ERCC6L2: variants seen among roughly 807,000 people sequenced by gnomAD.
ERCC6L2 encodes ERCC excision repair 6 like 2.
Under a neutral mutation model 132.0 loss-of-function variants are expected in ERCC6L2, and 77 were observed. That is an observed-to-expected ratio of 0.58 (90% CI 0.49 to 0.71). The LOEUF (loss-of-function observed/expected upper bound fraction) is 0.71. Among genes scored for constraint, ERCC6L2 ranks in the 30% least tolerant of loss-of-function variants. The pLI is 0.00. For missense variants in ERCC6L2, 1,542 were observed against 1,837.6 expected, an observed-to-expected ratio of 0.84 and a Z score of 2.94; for synonymous variants, 583 against 632.4, an observed-to-expected ratio of 0.92 and a Z score of 1.17.
At chr9:95,977,668 A>G (rs2133105522) in intron 16 of ERCC6L2, among the ~76,000 whole-genome samples, 1 of 152,200 alleles carries the variant, frequency 6.6e-6, no homozygotes, top group Middle Eastern at 3.4e-3. Context: ...TCATTCCATC[A>G]CTGTAATCAA....
Position 95,923,322 on chromosome 9 carries a change from A to G in ERCC6L2, c.1476A>G (p.Lys492=), listed in dbSNP as rs925490090. Residue 492 remains lysine, a synonymous_variant, in exon 9 of 19, where the codon AAA becomes AAG. Transcript: ENST00000653738. ...VFSRFPDFVQ[K]SKDAAFETLS... ...CCAGATTCCCAGATTTTGTGCAGAA[A>G]AGCAAAGATGCAGCCTTTGAAACAC... 3 of 1,613,982 alleles carry G rather than the reference A, an allele frequency of 1.9e-6. No individual in the cohort carries two copies. Among genetic ancestry groups the G allele is most frequent in the Non-Finnish European group, 1.7e-6 (2 of 1,179,924 alleles).
At chr9:95,915,893 C>T in intron 5 of ERCC6L2, 64 bp downstream of exon 5, 2 of 1,433,356 alleles carry the variant, frequency 1.4e-6, no homozygotes, top group Non-Finnish European at 1.9e-6. Context: ...GTCTTGTTTG[C>T]TAATCATTAG....
chr9:95,932,053 T>C (rs988607697), intron 11 of ERCC6L2, among the ~76,000 whole-genome samples: 2 of 152,012 alleles, frequency 1.3e-5, no homozygotes, highest in African/African-American at 4.8e-5. Flanking sequence ...TTCGATCTTA[T>C]TATTTTGTTT....
At chr9:95,963,934 G>A (rs1296343521) in intron 13 of ERCC6L2, among the ~76,000 whole-genome samples, 1 of 152,096 alleles carries the variant, frequency 6.6e-6, no homozygotes, top group East Asian at 1.9e-4. Flanking sequence ...CGTTAACCTT[G>A]ATCGCAGGTC....
At chr9:96,018,454 CAT>C (rs955424042), downstream of ERCC6L2, among the ~76,000 whole-genome samples, 4 of 148,238 alleles carry the variant, frequency 2.7e-5, no homozygotes, top group Admixed American at 2.8e-4. Flanking sequence ...AAAATTCACA[CAT>C]AGCATTGTTT....
rs1386932272 is a variant in ERCC6L2 at position 95,916,585 on chromosome 9, AC to A, written c.1158+153del. ...AATTGTTGCGCGCAGAATTTCAGAA[AC>A]CATTGATTGAGCTCAGTTGTTTTCC... On this transcript the variant is annotated intron_variant, in intron 6 of 18. Transcript: ENST00000653738. 1.4e-5 allele frequency: 8 copies of A among 578,700 alleles called. No individual in the cohort carries two copies. In the Middle Eastern group the frequency reaches 1.4e-3, roughly 102 times the overall value. The allele number at this position is 578,700 out of a possible 1,614,324, so 35.8% of individuals were successfully genotyped here.
At chr9:96,037,299 C>T (rs1167436656) in intron 19 of ERCC6L2, among the ~76,000 whole-genome samples, 1 of 152,172 alleles carries the variant, frequency 6.6e-6, no homozygotes, top group Non-Finnish European at 1.5e-5. Context: ...ATTGTGTGAT[C>T]AACACAGCAG....
intron 17 of ERCC6L2, among the ~76,000 whole-genome samples, chr9:95,993,305 G>A (rs1833363852): frequency 6.6e-6 from 1 of 152,228 alleles, no homozygotes. Context: ...CTTCTATCCT[G>A]CTCTAGCCTT....
rs1834063710 is a variant in ERCC6L2, at chr9:96,012,502, G to A, written c.3952G>A (p.Asp1318Asn). 1.5e-6 allele frequency: 2 copies of A among 1,367,426 alleles called. No individual in the cohort carries two copies. The highest frequency in any genetic ancestry group is 2.3e-5 in the South Asian group (2 of 87,976). The allele number at this position is 1,367,426 out of a possible 1,614,324, so 84.7% of individuals were successfully genotyped here. The change falls in exon 19 of 19, where the codon GAT (aspartate) becomes AAT (asparagine). Residue 1318 changes from aspartate (D) to asparagine (N), a missense_variant. By Grantham distance (23) the Asp-to-Asn change is conservative. This residue lies in a region of ERCC6L2 where 442 missense variants were observed against 583.4 expected (regional missense o/e 0.76). Transcript: ENST00000653738. ...LSDSETLSFKDSTNKISQVCS... is the reference protein window; with the variant it reads ...LSDSETLSFKNSTNKISQVCS... Reference sequence around the variant, plus strand: ...AGATTCTGAAACCTTGTCATTTAAAGATTCTACCAACAAAATTTCTCAAGT... The same window carrying A: ...AGATTCTGAAACCTTGTCATTTAAAAATTCTACCAACAAAATTTCTCAAGT...
At chr9:95,981,948 G>C (rs1029724653) in intron 17 of ERCC6L2, among the ~76,000 whole-genome samples, 1 of 152,150 alleles carries the variant, frequency 6.6e-6, no homozygotes, top group African/African-American at 2.4e-5. Flanking sequence ...GTCAACCTCT[G>C]CTGCCTGAAT....
At chr9:95,984,021 C>T (rs868619869) in intron 17 of ERCC6L2, among the ~76,000 whole-genome samples, 3 of 151,946 alleles carry the variant, frequency 2.0e-5, no homozygotes, top group South Asian at 2.1e-4. Context: ...GAAGAATTAC[C>T]TTCACTTTAG....
At chr9:96,033,860 G>T (rs982290203) in intron 19 of ERCC6L2, among the ~76,000 whole-genome samples, 3 of 152,208 alleles carry the variant, frequency 2.0e-5, no homozygotes, top group South Asian at 2.1e-4. Flanking sequence ...AGGCAGTGGT[G>T]ATTTCACTGC....
intron 12 of ERCC6L2, among the ~76,000 whole-genome samples, chr9:95,947,696 G>A (rs2132925234): frequency 6.6e-6 from 1 of 152,240 alleles, no homozygotes; most frequent in East Asian, 1.9e-4. Context: ...TAATGGAGCT[G>A]GTGACTTTAA....
At chr9:95,900,118 G>A (rs1471433067) in intron 3 of ERCC6L2, among the ~76,000 whole-genome samples, 1 of 152,116 alleles carries the variant, frequency 6.6e-6, no homozygotes, top group Non-Finnish European at 1.5e-5. Flanking sequence ...AGGCATGGTT[G>A]CTCACACCTG....
At chr9:95,989,634 AT>A (rs1202885219) in intron 17 of ERCC6L2, among the ~76,000 whole-genome samples, 3 of 152,296 alleles carry the variant, frequency 2.0e-5, no homozygotes, top group South Asian at 2.1e-4. Flanking sequence ...AATCAAAGTA[AT>A]TTCAAATAGT....
downstream of ERCC6L2, chr9:96,020,947 G>A (rs562498167): frequency 1.4e-4 from 65 of 456,728 alleles, 1 homozygote; most frequent in Non-Finnish European, 1.9e-4. Context: ...CGCGGGCCGG[G>A]GAGCGGGGAG....
chr9:95,937,419 G>A lies in ERCC6L2; in HGVS notation c.1752-4035G>A, dbSNP rs148995118. Among the ~76,000 whole-genome samples the A allele has an allele frequency of 2.9e-3, 434 of 152,152 alleles. 2 individuals carry two copies. The highest frequency in any genetic ancestry group is 0.01 in the African/African-American group (417 of 41,536). On this transcript the variant is annotated intron_variant, in intron 11 of 18. Transcript: ENST00000653738. ...CATGTGCTTCTTGTATAAAGCTGGTGTTAATGCTTCTGTAAATGGTAAAAT... is the reference window on the plus strand; with the variant it reads ...CATGTGCTTCTTGTATAAAGCTGGTATTAATGCTTCTGTAAATGGTAAAAT...
At chr9:95,977,919 C>T in intron 16 of ERCC6L2, 142 bp from the exon 17 acceptor site, 1 of 478,406 alleles carries the variant, frequency 2.1e-6, no homozygotes, top group Non-Finnish European at 3.1e-6. Flanking sequence ...TATTTGAACT[C>T]TTTCTCTTTT....
At chr9:95,926,110 G>A (rs1244219150) in intron 9 of ERCC6L2, among the ~76,000 whole-genome samples, 1 of 152,204 alleles carries the variant, frequency 6.6e-6, no homozygotes, top group Non-Finnish European at 1.5e-5. Context: ...AGGATGTGGA[G>A]TAACAAGAAC....
Sources: gnomAD v4.1 joint callset for allele counts (sites outside exome capture counted in the v4.1 genomes callset) on GRCh38, gnomAD v4.1.1 for gene constraint, gnomAD v4.1.1 regional missense constraint, MANE v1.5 for transcripts, NCBI Gene and HGNC (gene_info 2026-07-23, HGNC 2026-07-21) for gene names.